RNLS: variants seen among roughly 807,000 people sequenced by gnomAD.
RNLS encodes the protein renalase, FAD dependent amine oxidase.
Under a neutral mutation model 39.8 loss-of-function variants are expected in RNLS, and 39 were observed. The observed-to-expected ratio is 0.98, with a 90% CI of 0.76 to 1.28. The LOEUF is 1.28. Among genes scored for constraint, RNLS ranks in the 50% most tolerant of loss-of-function variants. The pLI, the probability that RNLS is intolerant of heterozygous loss-of-function variation, is 0.00. For missense variants in RNLS, 410 were observed against 413.3 expected, an observed-to-expected ratio of 0.99 and a Z score of 0.07; for synonymous variants, 147 against 150.7, an observed-to-expected ratio of 0.98 and a Z score of 0.18.
At chr10:88,435,129 A>T (rs564779092) in intron 4 of RNLS, among the ~76,000 whole-genome samples, 10 of 152,166 alleles carry the variant, frequency 6.6e-5, no homozygotes, top group Non-Finnish European at 1.3e-4. Flanking sequence ...CTAGTCAGTG[A>T]ACTAAATTCT....
At chr10:88,543,419 G>A (rs910759180) in intron 4 of RNLS, among the ~76,000 whole-genome samples, 1 of 152,102 alleles carries the variant, frequency 6.6e-6, no homozygotes. Context: ...TGGTTATCAA[G>A]CAATTCCCCC....
At chr10:88,288,545 A>C (rs980542540) in intron 6 of RNLS, among the ~76,000 whole-genome samples, 2 of 152,186 alleles carry the variant, frequency 1.3e-5, no homozygotes, top group African/African-American at 4.8e-5. Flanking sequence ...CATTTGTGGT[A>C]AAATTTTGAT....
chr10:88,317,977 C>G (rs960449228), intron 5 of RNLS, among the ~76,000 whole-genome samples: 1 of 152,158 alleles, frequency 6.6e-6, no homozygotes, highest in Non-Finnish European at 1.5e-5. Context: ...CTCTGGATCA[C>G]GGGCAATGCT....
chr10:88,235,914 C>T, the RNLS span, among the ~76,000 whole-genome samples: 2 of 152,046 alleles, frequency 1.3e-5, no homozygotes, highest in African/African-American at 4.8e-5. Context: ...TTACTCTAGC[C>T]TCAAGCTCCT....
At chr10:88,410,971 T>G (rs1254415424) in intron 4 of RNLS, among the ~76,000 whole-genome samples, 2 of 152,130 alleles carry the variant, frequency 1.3e-5, no homozygotes, top group African/African-American at 4.8e-5. Context: ...TGGACACACA[T>G]GATTTCAACA....
In RNLS at chr10:88,518,928, C is replaced by T. The variant is rs575388284; in HGVS notation, c.526+53975G>A. On this transcript the variant is annotated intron_variant, in intron 4 of 6. Transcript: ENST00000331772. ...ACATCCCTGTACTCTTTCCATTTGA[C>T]CCTTGTATATCTCTAAAGAAAGAAA... is the stretch of plus-strand genomic sequence containing the variant. Among the ~76,000 whole-genome samples, 498 of 152,084 alleles carry T rather than the reference C, an allele frequency of 3.3e-3. 2 individuals are homozygous for T. Among genetic ancestry groups the T allele is most frequent in the African/African-American group, 0.011 (458 of 41,526 alleles).
chr10:88,203,254 GTGTGTGTGTGTA>G, the RNLS span, among the ~76,000 whole-genome samples: 29 of 15,470 alleles, frequency 1.9e-3, 2 homozygotes, highest in African/African-American at 0.013. Context: ...GTGTGTGTGT[GTGTGTGTGTGTA>G]TGTATATATA....
intron 4 of RNLS, among the ~76,000 whole-genome samples, chr10:88,506,723 G>T (rs2134133665): frequency 6.6e-6 from 1 of 152,088 alleles, no homozygotes; most frequent in Admixed American, 6.6e-5. Context: ...TAAAAAGATG[G>T]ATAAAATTTC....
intron 4 of RNLS, among the ~76,000 whole-genome samples, chr10:88,567,182 C>T (rs900346530): frequency 1.3e-5 from 2 of 151,570 alleles, no homozygotes; most frequent in African/African-American, 4.8e-5. Context: ...ACAAAAAAAC[C>T]CAGGAAAGAC....
the RNLS span, among the ~76,000 whole-genome samples, chr10:88,205,187 G>A: frequency 4.6e-5 from 7 of 152,090 alleles, no homozygotes; most frequent in South Asian, 2.1e-4. Context: ...TCTCCAAAAC[G>A]CAAGGGTCAT....
At chr10:88,400,523 A>G (rs1032210984) in intron 4 of RNLS, among the ~76,000 whole-genome samples, 1 of 151,866 alleles carries the variant, frequency 6.6e-6, no homozygotes, top group African/African-American at 2.4e-5. Context: ...TGATATCTCT[A>G]TCCTCTTTAC....
At chr10:88,538,977 C>T (rs947152872) in intron 4 of RNLS, among the ~76,000 whole-genome samples, 6 of 152,140 alleles carry the variant, frequency 3.9e-5, no homozygotes, top group African/African-American at 9.7e-5. Context: ...TTAAGAGTCC[C>T]TCTTTAATGG....
chr10:88,209,318 G>T, the RNLS span, among the ~76,000 whole-genome samples: 1 of 152,094 alleles, frequency 6.6e-6, no homozygotes, highest in East Asian at 1.9e-4. Flanking sequence ...TACTGGATTA[G>T]GGTGGGCCCT....
the RNLS span, among the ~76,000 whole-genome samples, chr10:88,224,035 CA>C: frequency 1.0e-5 from 1 of 95,518 alleles, no homozygotes; most frequent in East Asian, 3.2e-4. Flanking sequence ...AATGAGCACT[CA>C]GAAAAAAAAA....
At chr10:88,300,990 G>A (rs1188643399) in intron 6 of RNLS, among the ~76,000 whole-genome samples, 1 of 152,108 alleles carries the variant, frequency 6.6e-6, no homozygotes, top group African/African-American at 2.4e-5. Context: ...AATGCTGGGG[G>A]CAAGTGAATA....
At chr10:88,213,860 C>T in the RNLS span, among the ~76,000 whole-genome samples, 2 of 152,106 alleles carry the variant, frequency 1.3e-5, no homozygotes, top group Non-Finnish European at 2.9e-5. Context: ...TTCTTGATTT[C>T]GTTTGTTTAT....
chr10:88,290,003 T>C lies in RNLS; in HGVS notation c.877-4497A>G, dbSNP rs79745065. Among the ~76,000 whole-genome samples the C allele has an allele frequency of 4.1e-4, 62 of 152,294 alleles. 3 individuals carry two copies. The East Asian group carries it at 0.011, about 27-fold the overall frequency. The stretch of plus-strand genomic sequence containing the variant: ...TCAATTTGTATATGGTTCAGCCTAA[T>C]AGTTTCTTTGCATCATGATTACTAA... On this transcript the variant is annotated intron_variant, in intron 6 of 6. Coordinates refer to ENST00000331772, the MANE Select transcript of RNLS (RefSeq NM_001031709.3).
chr10:88,369,143 T>C (rs1850346752), intron 4 of RNLS, among the ~76,000 whole-genome samples: 1 of 152,184 alleles, frequency 6.6e-6, no homozygotes, highest in Admixed American at 6.5e-5. Flanking sequence ...TTATAAAATT[T>C]TTCCTGTTTA....
intron 4 of RNLS, among the ~76,000 whole-genome samples, chr10:88,418,744 T>C (rs1347407821): frequency 6.6e-6 from 1 of 152,180 alleles, no homozygotes; most frequent in African/African-American, 2.4e-5. Context: ...TACTAAAACT[T>C]AACCACATCT....
Sources: gnomAD v4.1 joint callset for allele counts (sites outside exome capture counted in the v4.1 genomes callset) on GRCh38, gnomAD v4.1.1 for gene constraint, MANE v1.5 for transcripts, NCBI Gene and HGNC (gene_info 2026-07-23, HGNC 2026-07-21) for gene names.